The following PLXNA2 variants were observed in gnomAD, a reference collection of about 807,000 sequenced individuals.
The protein encoded by PLXNA2 is plexin-A2.
Under a neutral mutation model 193.5 loss-of-function variants are expected in PLXNA2, and 91 were observed. The observed-to-expected ratio is 0.47, with a 90% CI of 0.40 to 0.56. PLXNA2 has a LOEUF of 0.56. Among genes scored for constraint, PLXNA2 ranks in the 20% least tolerant of loss-of-function variants. PLXNA2 has a pLI of 0.00. For missense variants in PLXNA2, 1,995 were observed against 2,503.2 expected (o/e 0.80, Z 4.33); for synonymous variants, 997 against 1,027.3 (o/e 0.97, Z 0.56).
intron 1 of PLXNA2, among the ~76,000 whole-genome samples, chr1:208,232,985 C>T (rs1293713199): frequency 6.6e-6 from 1 of 152,172 alleles, no homozygotes; most frequent in Admixed American, 6.5e-5. Flanking sequence ...AGCTACGATA[C>T]CTTTCTGCTC....
chr1:208,240,852 G>C (rs1249596091), intron 1 of PLXNA2, among the ~76,000 whole-genome samples: 1 of 152,134 alleles, frequency 6.6e-6, no homozygotes, highest in Admixed American at 6.5e-5. Flanking sequence ...TCGTGTGTGT[G>C]GAGACAGCTG....
chr1:208,134,161 A>G lies in PLXNA2; in HGVS notation c.1506+8168T>C, dbSNP rs373140925. The stretch of plus-strand genomic sequence containing the variant: ...TAAGAGGCTGGAGTTTTCTCTCTTA[A>G]ATACAGCAAGCCAAGTGTCTGATTA... On this transcript the variant is annotated intron_variant, in intron 4 of 31. Coordinates refer to ENST00000367033, the MANE Select transcript of PLXNA2 (RefSeq NM_025179.4). Among the ~76,000 whole-genome samples, 12 of 152,262 alleles carry G rather than the reference A, an allele frequency of 7.9e-5. No individual in the cohort carries two copies. The East Asian group carries it at 1.7e-3, about 22-fold the overall frequency.
Position 208,051,428 on chromosome 1 carries a change from C to G in PLXNA2, c.2994-5G>C, listed in dbSNP as rs551852310. ...ACGATCTCACTCATTGACCTCCTGA[C>G]AGGGAGACAGCAGGAGGGTTGAGAA... On this transcript the variant is annotated splice_region_variant and splice_polypyrimidine_tract_variant and intron_variant, in intron 15 of 31. Coordinates refer to ENST00000367033, the MANE Select transcript of PLXNA2 (RefSeq NM_025179.4). The G allele has an allele frequency of 7.5e-5, 121 of 1,607,716 alleles. 1 individual carries two copies. In the South Asian group the frequency reaches 1.3e-3, roughly 17 times the overall value.
chr1:208,152,352 C>T (rs964289406), intron 3 of PLXNA2, among the ~76,000 whole-genome samples: 1 of 152,138 alleles, frequency 6.6e-6, no homozygotes, highest in African/African-American at 2.4e-5. Flanking sequence ...ACCATGCCAT[C>T]GAATCTCTCT....
intron 4 of PLXNA2, among the ~76,000 whole-genome samples, chr1:208,133,243 T>C (rs557820078): frequency 1.3e-5 from 2 of 152,254 alleles, no homozygotes; most frequent in Non-Finnish European, 1.5e-5. Context: ...AATCATTGAA[T>C]ACATAGTACA....
At chr1:208,167,533 GC>G (rs1185701948) in intron 3 of PLXNA2, among the ~76,000 whole-genome samples, 3 of 152,160 alleles carry the variant, frequency 2.0e-5, no homozygotes, top group African/African-American at 7.2e-5. Context: ...GAGGTAGGAG[GC>G]AAGGAGCACG....
At chr1:208,115,061 G>A (rs1279283000) in intron 4 of PLXNA2, among the ~76,000 whole-genome samples, 1 of 152,152 alleles carries the variant, frequency 6.6e-6, no homozygotes, top group Non-Finnish European at 1.5e-5. Context: ...AAAGCTCCTA[G>A]GCTTTGCTGG....
chr1:208,027,726 G>A (rs974942606), intron 31 of PLXNA2, among the ~76,000 whole-genome samples: 1 of 152,166 alleles, frequency 6.6e-6, no homozygotes, highest in Admixed American at 6.5e-5. Context: ...AGAATAGTTT[G>A]ATTCATTAAG....
intron 12 of PLXNA2, among the ~76,000 whole-genome samples, chr1:208,067,541 A>G (rs1281072883): frequency 6.6e-6 from 1 of 152,162 alleles, no homozygotes; most frequent in Non-Finnish European, 1.5e-5. Context: ...TGCAAGCTCC[A>G]TTCATGGTAA....
Position 208,045,893 on chromosome 1 carries a change from C to A in PLXNA2, c.3480G>T (p.Ser1160=). The A allele has an allele frequency of 6.2e-7, 1 of 1,614,208 alleles. No homozygotes were observed. Among genetic ancestry groups the A allele is most frequent in the Non-Finnish European group, 8.5e-7 (1 of 1,180,026 alleles). The change falls in exon 18 of 32, where the codon TCG becomes TCT. Residue 1160 remains serine (S), a synonymous_variant. Coordinates refer to ENST00000367033, the MANE Select transcript of PLXNA2 (RefSeq NM_025179.4). Reference sequence around the variant, plus strand: ...GCACTCCTACCTTCAGAATGATGGGCGATCCTGGCTTTTGATCCAAGACTC... The same window carrying A: ...GCACTCCTACCTTCAGAATGATGGGAGATCCTGGCTTTTGATCCAAGACTC... ...PTGVLDQKPG[S]PIILKGKNLC...
At position 208,104,936 on chromosome 1, in the gene PLXNA2, T is replaced by C. The variant is rs142640336; in HGVS notation, c.1507-1689A>G. Among the ~76,000 whole-genome samples, 53 of 152,340 alleles carry C rather than the reference T, an allele frequency of 3.5e-4. 1 individual carries two copies. In the East Asian group the frequency reaches 0.01, roughly 29 times the overall value. On this transcript the variant is annotated intron_variant, in intron 4 of 31. Coordinates refer to ENST00000367033, the MANE Select transcript of PLXNA2 (RefSeq NM_025179.4). Reference sequence around the variant, plus strand: ...CTGATTTGAAATAGTTCAAGTGTGATAGACCTAAGGGTTTGAGTTGACTCA... The same window carrying C: ...CTGATTTGAAATAGTTCAAGTGTGACAGACCTAAGGGTTTGAGTTGACTCA...
Position 208,023,697 on chromosome 1 carries a change from G to A in PLXNA2, c.*3546C>T, listed in dbSNP as rs1447840424. 2 of 152,322 alleles carry A rather than the reference G, an allele frequency of 1.3e-5. No individual in the cohort carries two copies. Among genetic ancestry groups the A allele is most frequent in the South Asian group, 2.1e-4 (1 of 4,834 alleles). 9.4% of individuals were successfully genotyped at this position (152,322 alleles called of 1,614,324 possible). ...CTGGTACCCTGTGCCACTAGGGGAG[G>A]AGAACTGTTGCCTGCTAAGTTGGTG... is the stretch of plus-strand genomic sequence containing the variant. On this transcript the variant is annotated 3_prime_UTR_variant, in exon 32 of 32. Coordinates refer to ENST00000367033, the MANE Select transcript of PLXNA2 (RefSeq NM_025179.4).
Position 208,027,306 on chromosome 1 carries a change from T to C in PLXNA2, c.5622A>G (p.Ala1874=). 1 of 1,613,516 alleles carries C rather than the reference T, an allele frequency of 6.2e-7. No individual in the cohort carries two copies. The highest frequency in any genetic ancestry group is 2.2e-5 in the East Asian group (1 of 44,888). The change falls in exon 32 of 32, where the codon GCA becomes GCG. Residue 1874 remains alanine, a synonymous_variant. Transcript: ENST00000367033. ...LIGALEQDEQ[A]RRQRLAYKVE... ...CCTTATAAGCCAGCCGCTGCCGCCG[T>C]GCCTGCTCATCCTGCTCTAGGGCCC... is the stretch of plus-strand genomic sequence containing the variant.
At chr1:208,084,032 C>T (rs1283435702) in intron 10 of PLXNA2, among the ~76,000 whole-genome samples, 1 of 152,164 alleles carries the variant, frequency 6.6e-6, no homozygotes, top group Non-Finnish European at 1.5e-5. Flanking sequence ...TGACATTGCA[C>T]GCCTGTATCA....
chr1:208,123,117 T>C (rs1667857319), intron 4 of PLXNA2, among the ~76,000 whole-genome samples: 1 of 152,200 alleles, frequency 6.6e-6, no homozygotes, highest in Non-Finnish European at 1.5e-5. Flanking sequence ...CCAATCGACT[T>C]TCTGTCTGTA....
chr1:208,241,186 G>C (rs2102654483), intron 1 of PLXNA2, among the ~76,000 whole-genome samples: 1 of 152,292 alleles, frequency 6.6e-6, no homozygotes, highest in South Asian at 2.1e-4. Context: ...AAATGGGAAA[G>C]GGACCTAGGA....
intron 3 of PLXNA2, among the ~76,000 whole-genome samples, chr1:208,151,955 A>C (rs1234185591): frequency 3.3e-5 from 5 of 152,238 alleles, no homozygotes; most frequent in Admixed American, 3.3e-4. Flanking sequence ...CCTGGGGAAC[A>C]AAATAGATCA....
intron 2 of PLXNA2, among the ~76,000 whole-genome samples, chr1:208,215,170 A>G (rs541312741): frequency 6.6e-6 from 1 of 152,082 alleles, no homozygotes; most frequent in Admixed American, 6.5e-5. Flanking sequence ...TAATTTTTGG[A>G]ATTTTTGTAG....
chr1:208,222,672 G>A (rs1671376543), intron 1 of PLXNA2, among the ~76,000 whole-genome samples: 1 of 152,212 alleles, frequency 6.6e-6, no homozygotes. Context: ...CAGCTCAGTA[G>A]AGGATTGTCT....
Sources: gnomAD v4.1 joint callset for allele counts (sites outside exome capture counted in the v4.1 genomes callset) on GRCh38, gnomAD v4.1.1 for gene constraint, MANE v1.5 for transcripts, NCBI Gene and HGNC (gene_info 2026-07-23, HGNC 2026-07-21) for gene names.